GRIK1: variants seen among roughly 807,000 people sequenced by gnomAD.
The protein encoded by GRIK1 is glutamate receptor ionotropic, kainate 1.
Under a neutral mutation model 105.7 loss-of-function variants are expected in GRIK1, and 69 were observed. That is an observed-to-expected ratio of 0.65 (90% CI 0.54 to 0.80). The LOEUF is 0.80. Ranked by LOEUF, GRIK1 falls within the 30% of genes least tolerant of loss-of-function variation. The pLI is 0.00. For missense variants in GRIK1, 1,109 were observed against 1,167.3 expected (o/e 0.95, Z 0.73); for synonymous variants, 438 against 431.3 (o/e 1.02, Z -0.19).
chr21:29,927,511 A>G (rs1260608576), intron 1 of GRIK1, among the ~76,000 whole-genome samples: 1 of 150,136 alleles, frequency 6.7e-6, no homozygotes, highest in Non-Finnish European at 1.5e-5. Flanking sequence ...ATATATATAT[A>G]AATTGAAAAA....
intron 1 of GRIK1, among the ~76,000 whole-genome samples, chr21:29,783,663 C>G (rs2066184189): frequency 6.6e-6 from 1 of 152,082 alleles, no homozygotes; most frequent in South Asian, 2.1e-4. Flanking sequence ...CTTTTATTGA[C>G]TGGTTTGTTG....
At chr21:29,848,225 C>A (rs1365717707) in intron 1 of GRIK1, among the ~76,000 whole-genome samples, 1 of 152,108 alleles carries the variant, frequency 6.6e-6, no homozygotes, top group Non-Finnish European at 1.5e-5. Flanking sequence ...ATGCTAAATT[C>A]TCTTTCTGTC....
At chr21:29,595,340 G>GTTTTTTTTTTTTTTTTT (rs71191119) in intron 9 of GRIK1, among the ~76,000 whole-genome samples, 2 of 136,976 alleles carry the variant, frequency 1.5e-5, no homozygotes, top group Non-Finnish European at 3.1e-5. Context: ...AGTGTAATAG[G>GTTTTTTTTTTTTTTTTT]TTTTTTTTTT....
At chr21:29,886,342 T>C (rs978996934) in intron 1 of GRIK1, among the ~76,000 whole-genome samples, 5 of 152,162 alleles carry the variant, frequency 3.3e-5, no homozygotes, top group Non-Finnish European at 7.4e-5. Flanking sequence ...TGTTCTGTTC[T>C]TTGCACATAT....
intron 2 of GRIK1, 24 bp downstream of exon 2, chr21:29,693,872 T>G (rs759226985): frequency 6.3e-7 from 1 of 1,585,158 alleles, no homozygotes; most frequent in Non-Finnish European, 8.6e-7. Flanking sequence ...CCAAAGAAGC[T>G]TTTAAAAGTG....
chr21:29,635,309 G>C (rs1198826171), intron 7 of GRIK1, among the ~76,000 whole-genome samples: 1 of 152,164 alleles, frequency 6.6e-6, no homozygotes, highest in Non-Finnish European at 1.5e-5. Context: ...TCTAGATCTT[G>C]TGGGCCCAAC....
intron 16 of GRIK1, among the ~76,000 whole-genome samples, chr21:29,549,302 T>C (rs576536019): frequency 6.6e-6 from 1 of 152,346 alleles, no homozygotes; most frequent in South Asian, 2.1e-4. Flanking sequence ...AACTCATGTT[T>C]ACTATCTACT....
chr21:29,877,460 G>C (rs558650753), intron 1 of GRIK1, among the ~76,000 whole-genome samples: 1 of 152,088 alleles, frequency 6.6e-6, no homozygotes, highest in Non-Finnish European at 1.5e-5. Context: ...AGAGTATCAA[G>C]TAATTCCTTA....
intron 2 of GRIK1, among the ~76,000 whole-genome samples, chr21:29,691,803 C>A (rs1002579725): frequency 6.6e-6 from 1 of 152,196 alleles, no homozygotes; most frequent in Non-Finnish European, 1.5e-5. Flanking sequence ...ACTGATACAA[C>A]TTTGACAGCC....
chr21:29,902,611 G>A (rs1304805658), intron 1 of GRIK1, among the ~76,000 whole-genome samples: 2 of 152,180 alleles, frequency 1.3e-5, no homozygotes, highest in African/African-American at 4.8e-5. Flanking sequence ...TCTTCAAGGA[G>A]AACTACAAAC....
chr21:29,869,652 T>C (rs895499931), intron 1 of GRIK1, among the ~76,000 whole-genome samples: 2 of 152,240 alleles, frequency 1.3e-5, no homozygotes, highest in South Asian at 4.1e-4. Context: ...TCCTAGCGTA[T>C]AGCACTCTTA....
At chr21:29,813,052 C>A (rs936635233) in intron 1 of GRIK1, among the ~76,000 whole-genome samples, 20 of 152,154 alleles carry the variant, frequency 1.3e-4, no homozygotes, top group African/African-American at 4.8e-4. Flanking sequence ...TGGACATCTG[C>A]AACAACCTTG....
At chr21:29,814,080 A>AATAT (rs773790066) in intron 1 of GRIK1, among the ~76,000 whole-genome samples, 1 of 146,934 alleles carries the variant, frequency 6.8e-6, no homozygotes, top group African/African-American at 2.5e-5. Flanking sequence ...ACACCTGGCT[A>AATAT]ATATATATAT....
At chr21:29,778,170 C>A (rs533059630) in intron 1 of GRIK1, among the ~76,000 whole-genome samples, 1 of 152,248 alleles carries the variant, frequency 6.6e-6, no homozygotes, top group Non-Finnish European at 1.5e-5. Context: ...TGTTTTGTCC[C>A]AGCTGAAGAA....
At chr21:29,754,042 A>G (rs981701062) in intron 1 of GRIK1, among the ~76,000 whole-genome samples, 11 of 152,138 alleles carry the variant, frequency 7.2e-5, no homozygotes, top group Admixed American at 7.2e-4. Flanking sequence ...CCAAAACTGC[A>G]GTATGCGGAC....
At chr21:29,831,198 G>A (rs1029914602) in intron 1 of GRIK1, among the ~76,000 whole-genome samples, 4 of 152,140 alleles carry the variant, frequency 2.6e-5, no homozygotes, top group Non-Finnish European at 5.9e-5. Flanking sequence ...TAAATAAGGA[G>A]TGAGAAAAGG....
chr21:29,843,542 A>T (rs1687146414), intron 1 of GRIK1, among the ~76,000 whole-genome samples: 1 of 152,034 alleles, frequency 6.6e-6, no homozygotes, highest in Admixed American at 6.6e-5. Context: ...ATTTTTTTTT[A>T]AATGTAAAAG....
At chr21:29,624,849 G>T (rs779655166) in intron 7 of GRIK1, among the ~76,000 whole-genome samples, 1 of 152,216 alleles carries the variant, frequency 6.6e-6, no homozygotes, top group East Asian at 1.9e-4. Flanking sequence ...GAGAGGGCTT[G>T]CCCTCCTTCT....
At chr21:29,827,066 C>A (rs1019728847) in intron 1 of GRIK1, among the ~76,000 whole-genome samples, 3 of 152,014 alleles carry the variant, frequency 2.0e-5, no homozygotes, top group African/African-American at 7.2e-5. Context: ...AAAAATCACC[C>A]ATTTTGATAA....
Sources: allele counts gnomAD v4.1 joint callset (sites outside exome capture counted in the v4.1 genomes callset), GRCh38; gene constraint gnomAD v4.1.1; transcripts MANE v1.5; gene names NCBI Gene and HGNC (gene_info 2026-07-23, HGNC 2026-07-21).